AKTIP: variants seen among roughly 807,000 people sequenced by gnomAD.
AKTIP encodes AKT interacting protein, also known as AKT-interacting protein.
A neutral mutation model predicts 39.1 loss-of-function variants in AKTIP; 16 were observed. That is an observed-to-expected ratio of 0.41 (90% confidence interval 0.28 to 0.62). AKTIP has a LOEUF of 0.62. Ranked by LOEUF, AKTIP falls within the 20% of genes least tolerant of loss-of-function variation. AKTIP has a pLI of 0.32. For synonymous variants in AKTIP, 93 were observed against 124.3 expected (o/e 0.75, Z 1.67); for missense variants, 262 against 356.6 (o/e 0.73, Z 2.14).
upstream of AKTIP, among the ~76,000 whole-genome samples, chr16:53,504,088 CTTTTTTTTT>C (rs766022873): frequency 7.5e-6 from 1 of 133,800 alleles, no homozygotes; most frequent in Admixed American, 7.6e-5. Flanking sequence ...AGTTCCTGGT[CTTTTTTTTT>C]TTTTTTTTTT....
upstream of AKTIP, chr16:53,503,338 G>C (rs933008911): frequency 2.7e-5 from 4 of 148,302 alleles, no homozygotes; most frequent in African/African-American, 1.0e-4. Context: ...GCTTCCGCCT[G>C]GCCTCCCGGC....
rs569359927 is a variant in AKTIP, at chr16:53,497,506, T to C, written c.248+885A>G. On this transcript the variant is annotated intron_variant, in intron 3 of 9. Coordinates refer to ENST00000394657, the MANE Select transcript of AKTIP (RefSeq NM_022476.4). ...GCTGTCTCTTCTCCAAGAAAACTTC[T>C]CCAGTTCCTTCAACTGTGGATCCCT... Among the ~76,000 whole-genome samples, 3 of 152,180 alleles carry C rather than the reference T, an allele frequency of 2.0e-5. No homozygotes were observed. In the East Asian group the frequency reaches 5.8e-4, roughly 29 times the overall value.
intron 3 of AKTIP, among the ~76,000 whole-genome samples, chr16:53,497,682 C>A (rs1016595759): frequency 6.6e-6 from 1 of 152,208 alleles, no homozygotes; most frequent in Admixed American, 6.5e-5. Flanking sequence ...GTCCTACTCT[C>A]TAGAAAAACC....
At chr16:53,496,204 C>T (rs1218836838) in intron 3 of AKTIP, among the ~76,000 whole-genome samples, 2 of 152,078 alleles carry the variant, frequency 1.3e-5, no homozygotes, top group African/African-American at 2.4e-5. Flanking sequence ...AGTTATTATC[C>T]GGTCCATTTT....
intron 1 of AKTIP, among the ~76,000 whole-genome samples, chr16:53,502,311 A>T (rs1426747612): frequency 6.6e-6 from 1 of 152,254 alleles, no homozygotes; most frequent in African/African-American, 2.4e-5. Flanking sequence ...GAGGAATGAC[A>T]TAGATGGAAG....
At chr16:53,498,731 G>A (rs1961991168) in intron 2 of AKTIP, 135 bp from the exon 3 acceptor site, 1 of 889,916 alleles carries the variant, frequency 1.1e-6, no homozygotes, top group Non-Finnish European at 1.8e-6. Flanking sequence ...AAGATGACTA[G>A]AAAGTCCTTT....
chr16:53,492,595 C>T, intron 9 of AKTIP, 76 bp from the exon 10 acceptor site: 1 of 1,596,184 alleles, frequency 6.3e-7, no homozygotes, highest in Non-Finnish European at 8.6e-7. Context: ...ACTTGTTTCC[C>T]AAAAAAAGTT....
At chr16:53,500,381 C>CTTT in intron 1 of AKTIP, 52 bp from the exon 2 acceptor site, 21 of 952,836 alleles carry the variant, frequency 2.2e-5, no homozygotes, top group East Asian at 7.0e-5. Context: ...ACCATTAAGA[C>CTTT]TTTTTTTTTT....
At chr16:53,497,751 T>G (rs532504483) in intron 3 of AKTIP, among the ~76,000 whole-genome samples, 2 of 152,370 alleles carry the variant, frequency 1.3e-5, no homozygotes, top group African/African-American at 4.8e-5. Context: ...AAGTTCCTAA[T>G]CTACTGTAGG....
At chr16:53,501,935 T>G (rs550171997) in intron 1 of AKTIP, among the ~76,000 whole-genome samples, 2 of 152,352 alleles carry the variant, frequency 1.3e-5, no homozygotes, top group East Asian at 3.9e-4. Context: ...TGTTCCCCTT[T>G]GGCTCAAATG....
chr16:53,499,982 A>G (rs1427618140), intron 2 of AKTIP, among the ~76,000 whole-genome samples: 1 of 152,218 alleles, frequency 6.6e-6, no homozygotes, highest in Non-Finnish European at 1.5e-5. Flanking sequence ...AACCTAAATC[A>G]TCTTAGAATT....
At chr16:53,494,902 A>C (rs1961732091) in intron 5 of AKTIP, 171 bp downstream of exon 5, 1 of 758,740 alleles carries the variant, frequency 1.3e-6, no homozygotes, top group South Asian at 1.5e-5. Context: ...AGAGAAACAA[A>C]GCTCTGATGG....
At position 53,500,342 on chromosome 16, in the gene AKTIP, C is replaced by T. The variant is rs935479183; in HGVS notation, c.-70-13G>A. On this transcript the variant is annotated splice_polypyrimidine_tract_variant and intron_variant, in intron 1 of 9. Coordinates refer to ENST00000394657, the MANE Select transcript of AKTIP (RefSeq NM_022476.4). ...GCATTCACTTTACCTTAAAACAAGA[C>T]GGGAAGACATAGAAACATGCCAACA... is the stretch of plus-strand genomic sequence containing the variant. The T allele has an allele frequency of 1.5e-5, 24 of 1,557,360 alleles. No homozygotes were observed. The highest frequency in any genetic ancestry group is 8.3e-5 in the South Asian group (7 of 83,882).
In AKTIP at chr16:53,494,621, G is replaced by A. The variant is rs770172988; in HGVS notation, c.415-16C>T. 22 of 1,611,492 alleles carry A rather than the reference G, an allele frequency of 1.4e-5. No individual in the cohort carries two copies. Among genetic ancestry groups the A allele is most frequent in the Non-Finnish European group, 1.8e-5 (21 of 1,178,196 alleles). On this transcript the variant is annotated splice_polypyrimidine_tract_variant and intron_variant, in intron 5 of 9. Transcript: ENST00000394657. ...ACACCAAGCGCTGTATTTAAATAAA[G>A]AGAGACATGTCCTTTAATGGAAGCA...
At chr16:53,503,554 G>T (rs559947059), upstream of AKTIP, among the ~76,000 whole-genome samples, 70 of 152,366 alleles carry the variant, frequency 4.6e-4, no homozygotes, top group Non-Finnish European at 7.5e-4. Context: ...CAAGCGCCGG[G>T]TCACAATTGG....
At position 53,495,237 on chromosome 16, in the gene AKTIP, A is replaced by T. The variant is rs1367794941; in HGVS notation, c.313+25T>A. 1.9e-6 allele frequency: 3 copies of T among 1,614,034 alleles called. 1 individual carries two copies. The highest frequency in any genetic ancestry group is 2.2e-5 in the East Asian group (1 of 44,870). ...GTGGGAGGAACTAAATGTGCCCATA[A>T]ATTAAGAGTGAATCCTCATCTTACT... is the stretch of plus-strand genomic sequence containing the variant. On this transcript the variant is annotated intron_variant, in intron 4 of 9. Coordinates refer to ENST00000394657, the MANE Select transcript of AKTIP (RefSeq NM_022476.4).
chr16:53,499,769 T>G (rs1457650070), intron 2 of AKTIP, among the ~76,000 whole-genome samples: 1 of 152,142 alleles, frequency 6.6e-6, no homozygotes, highest in Non-Finnish European at 1.5e-5. Flanking sequence ...CTGGTTTTTA[T>G]TTTCTTATTG....
At position 53,500,850 on chromosome 16, in the gene AKTIP, G is replaced by A. The variant is rs577993677; in HGVS notation, c.-70-521C>T. On this transcript the variant is annotated intron_variant, in intron 1 of 9. Coordinates refer to ENST00000394657, the MANE Select transcript of AKTIP (RefSeq NM_022476.4). ...CTGGTTCTAATTTCTTTCACACTTA[G>A]ATGTCTATAAGAATCTGTGCACCAG... 3.3e-4 allele frequency among the ~76,000 whole-genome samples: 50 copies of A among 152,230 alleles called. 1 individual carries two copies. The highest frequency in any genetic ancestry group is 6.6e-4 in the Non-Finnish European group (45 of 68,002).
chr16:53,497,731 T>A (rs1961926614), intron 3 of AKTIP, among the ~76,000 whole-genome samples: 1 of 152,246 alleles, frequency 6.6e-6, no homozygotes, highest in Admixed American at 6.5e-5. Context: ...AAACGAAGAC[T>A]AAATTTATTA....
Sources: gnomAD v4.1 joint callset for allele counts (sites outside exome capture counted in the v4.1 genomes callset) on GRCh38, gnomAD v4.1.1 for gene constraint, MANE v1.5 for transcripts, NCBI Gene and HGNC (gene_info 2026-07-23, HGNC 2026-07-21) for gene names.